SDK1: variants seen among roughly 807,000 people sequenced by gnomAD.
SDK1 encodes the protein protein sidekick-1.
A neutral mutation model predicts 245.5 loss-of-function variants in SDK1; 157 were observed. That is an observed-to-expected ratio of 0.64 (90% CI 0.56 to 0.73). The LOEUF (loss-of-function observed/expected upper bound fraction) is 0.73. Among genes scored for constraint, SDK1 ranks in the 30% least tolerant of loss-of-function variants. SDK1 has a pLI of 0.00. For synonymous variants in SDK1, 1,647 were observed against 1,278.5 expected, an observed-to-expected ratio of 1.29 and a Z score of -6.15; for missense variants, 3,583 against 3,002.3, an observed-to-expected ratio of 1.19 and a Z score of -4.52.
intron 13 of SDK1, among the ~76,000 whole-genome samples, chr7:3,982,331 G>A (rs911037160): frequency 1.9e-4 from 29 of 152,312 alleles, no homozygotes; most frequent in African/African-American, 6.5e-4. Context: ...GCTTTGATGG[G>A]AATGTACAAG....
At chr7:3,425,397 C>G (rs1029666528) in intron 1 of SDK1, among the ~76,000 whole-genome samples, 1 of 152,138 alleles carries the variant, frequency 6.6e-6, no homozygotes, top group Non-Finnish European at 1.5e-5. Context: ...TTCTGAGTAA[C>G]TCTTTGGTAA....
rs538172473 is a variant in SDK1, at chr7:3,796,478, G to A, written c.714-24972G>A. Among the ~76,000 whole-genome samples the A allele has an allele frequency of 7.7e-4, 118 of 152,264 alleles. 1 individual carries two copies. Among genetic ancestry groups the A allele is most frequent in the African/African-American group, 2.8e-3 (118 of 41,548 alleles). ...GCAGGGCGACCCCTGCACATTCCCT[G>A]CCCAGAGCAGTGCTGGTCCCATTCA... On this transcript the variant is annotated intron_variant, in intron 4 of 44. Transcript: ENST00000404826.
At chr7:3,529,927 G>C (rs942073727) in intron 1 of SDK1, among the ~76,000 whole-genome samples, 3 of 152,120 alleles carry the variant, frequency 2.0e-5, no homozygotes, top group Admixed American at 2.0e-4. Flanking sequence ...ACAGACTCTG[G>C]TTAGGGGACG....
chr7:3,719,719 C>A (rs1275735521), intron 4 of SDK1, among the ~76,000 whole-genome samples: 1 of 152,196 alleles, frequency 6.6e-6, no homozygotes, highest in East Asian at 1.9e-4. Context: ...TGGCTCACGC[C>A]TGTAATCCCA....
intron 22 of SDK1, among the ~76,000 whole-genome samples, chr7:4,092,317 G>A (rs1016438821): frequency 3.3e-5 from 5 of 152,226 alleles, no homozygotes; most frequent in Admixed American, 3.3e-4. Context: ...CCTACCCCCT[G>A]TCCCGTGGTC....
chr7:4,225,419 T>C (rs1785376220), intron 40 of SDK1, among the ~76,000 whole-genome samples: 1 of 152,134 alleles, frequency 6.6e-6, no homozygotes, highest in Non-Finnish European at 1.5e-5. Context: ...GAGCGGCCTG[T>C]GGGATGGGGC....
chr7:3,906,566 T>A (rs1411606029), intron 5 of SDK1, among the ~76,000 whole-genome samples: 4 of 150,776 alleles, frequency 2.7e-5, no homozygotes, highest in Non-Finnish European at 4.4e-5. Context: ...CTGGTTTAAA[T>A]TAATTTTTCA....
chr7:3,514,322 C>T (rs1456855470), intron 1 of SDK1, among the ~76,000 whole-genome samples: 1 of 152,098 alleles, frequency 6.6e-6, no homozygotes, highest in Non-Finnish European at 1.5e-5. Context: ...TTTGTGTTTT[C>T]TGTTGATGAA....
intron 37 of SDK1, 25 bp downstream of exon 37, chr7:4,208,310 G>A: frequency 6.2e-7 from 1 of 1,604,536 alleles, no homozygotes; most frequent in South Asian, 1.1e-5. Flanking sequence ...GGTTTCCTTT[G>A]GGCAGGCCTC....
intron 1 of SDK1, among the ~76,000 whole-genome samples, chr7:3,421,786 G>T (rs1398421365): frequency 1.3e-5 from 2 of 152,166 alleles, no homozygotes; most frequent in African/African-American, 2.4e-5. Flanking sequence ...TTAGAGTACT[G>T]TAGGTTTATG....
At chr7:3,674,040 C>G (rs1298435387) in intron 4 of SDK1, among the ~76,000 whole-genome samples, 1 of 151,980 alleles carries the variant, frequency 6.6e-6, no homozygotes, top group Non-Finnish European at 1.5e-5. Flanking sequence ...GCTTTTAAGT[C>G]TTGAAGTCCA....
intron 1 of SDK1, among the ~76,000 whole-genome samples, chr7:3,315,273 G>C (rs1375727073): frequency 1.3e-5 from 2 of 152,156 alleles, no homozygotes. Flanking sequence ...GCTTTTCTTG[G>C]CATCAGGCAT....
At chr7:3,593,135 A>C (rs1289222027) in intron 1 of SDK1, among the ~76,000 whole-genome samples, 2 of 152,250 alleles carry the variant, frequency 1.3e-5, no homozygotes, top group African/African-American at 4.8e-5. Context: ...CTAGTGTGTT[A>C]GGTACTATTT....
chr7:3,508,479 C>T (rs1290464916), intron 1 of SDK1, among the ~76,000 whole-genome samples: 1 of 151,946 alleles, frequency 6.6e-6, no homozygotes, highest in Non-Finnish European at 1.5e-5. Flanking sequence ...AGCTGCCCGC[C>T]ACCATGCCTG....
intron 1 of SDK1, among the ~76,000 whole-genome samples, chr7:3,361,345 A>T (rs1444059693): frequency 6.6e-6 from 1 of 152,212 alleles, no homozygotes; most frequent in South Asian, 2.1e-4. Context: ...CATTTCTATC[A>T]TAGGACCTCT....
chr7:3,921,190 C>T (rs78237066), intron 5 of SDK1, among the ~76,000 whole-genome samples: 1,668 of 152,272 alleles, frequency 0.011, 28 homozygotes, highest in South Asian at 0.04. Flanking sequence ...TCATTCATGT[C>T]TCATACAAAT....
intron 22 of SDK1, among the ~76,000 whole-genome samples, chr7:4,097,713 C>T (rs1229313979): frequency 6.6e-6 from 1 of 152,186 alleles, no homozygotes; most frequent in Non-Finnish European, 1.5e-5. Flanking sequence ...ACTTCTGTCT[C>T]CTCCTTCCCT....
intron 5 of SDK1, among the ~76,000 whole-genome samples, chr7:3,845,179 A>C (rs912574304): frequency 2.0e-5 from 3 of 152,106 alleles, no homozygotes; most frequent in African/African-American, 7.2e-5. Context: ...CCAAAATCTT[A>C]ATTGTAGGTT....
chr7:3,672,899 G>A (rs1191589825), intron 4 of SDK1, among the ~76,000 whole-genome samples: 1 of 147,652 alleles, frequency 6.8e-6, no homozygotes, highest in Non-Finnish European at 1.5e-5. Flanking sequence ...AGTGATCTTT[G>A]GGTAAAAGCT....
Sources: allele counts gnomAD v4.1 joint callset (sites outside exome capture counted in the v4.1 genomes callset), GRCh38; gene constraint gnomAD v4.1.1; transcripts MANE v1.5; gene names NCBI Gene and HGNC (gene_info 2026-07-23, HGNC 2026-07-21).